The following RABL2A variants were observed in gnomAD, a reference collection of about 807,000 sequenced individuals.
RABL2A encodes rab-like protein 2A.
RABL2A carries 17 observed loss-of-function variants against 30.7 expected under a neutral mutation model. The ratio of observed to expected loss-of-function variants is 0.55; its 90% confidence interval spans 0.38 to 0.83. The LOEUF (loss-of-function observed/expected upper bound fraction) is 0.83, where lower values mean the gene tolerates loss of function less well. Among genes scored for constraint, RABL2A ranks in the 40% least tolerant of loss-of-function variants. The pLI, the probability that RABL2A is intolerant of heterozygous loss-of-function variation, is 0.00. For missense variants in RABL2A, 155 were observed against 272.6 expected (o/e 0.57, Z 3.04); for synonymous variants, 64 against 101.8 (o/e 0.63, Z 2.24).
intron 5 of RABL2A, among the ~76,000 whole-genome samples, chr2:113,639,340 A>G (rs1684211758): frequency 1.3e-5 from 2 of 151,370 alleles, no homozygotes; most frequent in Admixed American, 1.3e-4. Context: ...AAAGTAAATC[A>G]GCCAGGTGCA....
At chr2:113,629,338 G>A (rs900064228) in intron 2 of RABL2A, among the ~76,000 whole-genome samples, 5 of 152,254 alleles carry the variant, frequency 3.3e-5, no homozygotes, top group African/African-American at 1.2e-4. Flanking sequence ...AAGTGGTCAC[G>A]TTTATCTCCC....
Position 113,642,556 on chromosome 2 carries a change from C to G in RABL2A, c.*427C>G, listed in dbSNP as rs1389156431. 7.9e-6 allele frequency: 2 copies of G among 252,840 alleles called. No homozygotes were observed. The highest frequency in any genetic ancestry group is 1.6e-5 in the Non-Finnish European group (2 of 128,876). The allele number at this position is 252,840 out of a possible 1,614,324, so 15.7% of individuals were successfully genotyped here. ...CTGAGGTAATGATTACCCCCCCACCCACAGCTGAGTCTGTGAGGCCCCATC... is the reference window on the plus strand; with the variant it reads ...CTGAGGTAATGATTACCCCCCCACCGACAGCTGAGTCTGTGAGGCCCCATC... On this transcript the variant is annotated 3_prime_UTR_variant, in exon 9 of 9. Transcript: ENST00000683472.
chr2:113,631,422 G>T (rs1680297335), intron 2 of RABL2A, among the ~76,000 whole-genome samples: 2 of 152,178 alleles, frequency 1.3e-5, no homozygotes, highest in South Asian at 4.1e-4. Context: ...AAGCAGAAAG[G>T]TCACACCATG....
At chr2:113,641,697 T>C in intron 7 of RABL2A, 84 bp from the exon 8 acceptor site, 3 of 602,296 alleles carry the variant, frequency 5.0e-6, no homozygotes, top group African/African-American at 2.2e-5. Context: ...GAATGGAGTA[T>C]TGTGTAGTCT....
intron 5 of RABL2A, among the ~76,000 whole-genome samples, chr2:113,636,997 T>A (rs9750212): frequency 0.16 from 15,438 of 95,566 alleles, 949 homozygotes; most frequent in African/African-American, 0.21. Flanking sequence ...TCAAAAAAAA[T>A]AAAAAAATAA....
At position 113,641,210 on chromosome 2, in the gene RABL2A, C is replaced by G. The variant is rs563774101; in HGVS notation, c.410-143C>G. 76 of 1,371,046 alleles carry G rather than the reference C, an allele frequency of 5.5e-5. 1 individual carries two copies. The East Asian group carries it at 1.7e-3, about 31-fold the overall frequency. 84.9% of individuals were successfully genotyped at this position (1,371,046 alleles called of 1,614,324 possible). On this transcript the variant is annotated intron_variant, in intron 6 of 8. Coordinates refer to ENST00000683472, the MANE Select transcript of RABL2A (RefSeq NM_001306158.2). Reference sequence around the variant, plus strand: ...CCTGCCCTCTTTCCAAGACACAGATCCCTATTAACTGAGCTCTTTCTAGGA... The same window carrying G: ...CCTGCCCTCTTTCCAAGACACAGATGCCTATTAACTGAGCTCTTTCTAGGA...
rs1685045606 is a variant in RABL2A at position 113,641,292 on chromosome 2, C to G, written c.410-61C>G. The G allele has an allele frequency of 2.4e-5, 38 of 1,609,024 alleles. 1 individual carries two copies. In the South Asian group the frequency reaches 4.2e-4, roughly 18 times the overall value. On this transcript the variant is annotated intron_variant, in intron 6 of 8. Transcript: ENST00000683472. Reference sequence around the variant, plus strand: ...TTTCTGGAATGAAGGCCTCCAGTGGCCCCCCCTCCAAACCTTCTTCCCTTC... The same window carrying G: ...TTTCTGGAATGAAGGCCTCCAGTGGGCCCCCCTCCAAACCTTCTTCCCTTC...
At position 113,640,949 on chromosome 2, in the gene RABL2A, A is replaced by C. The variant is rs1418497272; in HGVS notation, c.353A>C (p.Glu118Ala). 1.2e-6 allele frequency: 2 copies of C among 1,613,764 alleles called. No homozygotes were observed. The highest frequency in any genetic ancestry group is 1.7e-6 in the Non-Finnish European group (2 of 1,179,828). ...AGGAACCTGAGCACCTGGTATACAG[A>C]GCTTCGGGAGTTCAGGCCAGAGATC... ...TYRNLSTWYT[E>A]LREFRPEIPC... Residue 118 changes from glutamate to alanine, a missense_variant, in exon 6 of 9, where the codon GAG becomes GCG. Transcript: ENST00000683472.
intron 7 of RABL2A, 154 bp from the exon 8 acceptor site, chr2:113,641,627 C>A: frequency 1.3e-6 from 1 of 773,164 alleles, no homozygotes; most frequent in South Asian, 1.8e-5. Context: ...AGTCCATTGA[C>A]CATACATAGG....
At chr2:113,634,083 C>T in intron 3 of RABL2A, 70 bp from the exon 4 acceptor site, 4 of 1,544,922 alleles carry the variant, frequency 2.6e-6, no homozygotes, top group Non-Finnish European at 3.5e-6. Context: ...TTCATCAAAC[C>T]AAACACCCCT....
Position 113,640,937 on chromosome 2 carries a change from C to T in RABL2A, c.341C>T (p.Thr114Ile), listed in dbSNP as rs1278501188. The T allele has an allele frequency of 6.2e-7, 1 of 1,613,838 alleles. No individual in the cohort carries two copies. The highest frequency in any genetic ancestry group is 8.5e-7 in the Non-Finnish European group (1 of 1,179,846). The stretch of plus-strand genomic sequence containing the variant: ...AAAGTCACCTATAGGAACCTGAGCA[C>T]CTGGTATACAGAGCTTCGGGAGTTC... ...QRKVTYRNLSTWYTELREFRP... is the reference protein window; with the variant it reads ...QRKVTYRNLSIWYTELREFRP... The change falls in exon 6 of 9, where the codon ACC (threonine) becomes ATC (isoleucine). Residue 114 changes from threonine to isoleucine, a missense_variant. Thr to Ile is a moderately conservative substitution (Grantham distance 89, BLOSUM62 -1). This residue lies in a region of RABL2A where 82 missense variants were observed against 103.2 expected (regional missense o/e 0.79). Transcript: ENST00000683472.
At chr2:113,628,924 G>T (rs987299278) in intron 2 of RABL2A, among the ~76,000 whole-genome samples, 58 of 152,046 alleles carry the variant, frequency 3.8e-4, no homozygotes, top group African/African-American at 1.2e-3. Context: ...TGAGGAATTT[G>T]AATGTTTCCT....
At chr2:113,630,439 G>A (rs927294802) in intron 2 of RABL2A, among the ~76,000 whole-genome samples, 16 of 152,120 alleles carry the variant, frequency 1.1e-4, no homozygotes, top group Non-Finnish European at 1.8e-4. Flanking sequence ...TTGTGCCACT[G>A]CACTCTAGCC....
intron 4 of RABL2A, 141 bp from the exon 5 acceptor site, chr2:113,634,910 G>A: frequency 1.1e-6 from 1 of 899,218 alleles, no homozygotes. Flanking sequence ...ACACGTGTGG[G>A]GCTGTATAGT....
intron 3 of RABL2A, chr2:113,633,212 G>T (rs1681114280): frequency 1.8e-6 from 1 of 571,198 alleles, no homozygotes. Flanking sequence ...CAAATGGTTT[G>T]GATCTAATGC....
At chr2:113,635,677 C>T (rs530520367) in intron 5 of RABL2A, among the ~76,000 whole-genome samples, 13 of 152,282 alleles carry the variant, frequency 8.5e-5, no homozygotes, top group Admixed American at 6.5e-4. Flanking sequence ...GCCGAGGAAA[C>T]GGCTGAGAAA....
At chr2:113,635,584 T>C (rs1259737731) in intron 5 of RABL2A, 7 of 271,700 alleles carry the variant, frequency 2.6e-5, no homozygotes, top group Admixed American at 4.9e-5. Context: ...GAGCCTCCCA[T>C]TGTGTTGCCC....
Position 113,635,242 on chromosome 2 carries a change from G to C in RABL2A, c.297+112G>C, listed in dbSNP as rs1294531717. 5 of 1,068,200 alleles carry C rather than the reference G, an allele frequency of 4.7e-6. No individual in the cohort carries two copies. In the East Asian group the frequency reaches 1.3e-4, roughly 27 times the overall value. 66.2% of individuals were successfully genotyped at this position (1,068,200 alleles called of 1,614,324 possible). A position where few individuals can be genotyped will look rare whatever the true frequency, so the allele number is the denominator to read the frequency against. ...CAAGTCTGGGTGTTGTGGGAGGGGG[G>C]CTTAGGGTCACCCGGGGATGTTTCA... On this transcript the variant is annotated intron_variant, in intron 5 of 8. Transcript: ENST00000683472.
At chr2:113,636,726 C>T (rs1682880847) in intron 5 of RABL2A, among the ~76,000 whole-genome samples, 3 of 152,204 alleles carry the variant, frequency 2.0e-5, no homozygotes, top group African/African-American at 4.8e-5. Flanking sequence ...CGGTGGCTCA[C>T]GCCTGTAATC....
Sources: allele counts gnomAD v4.1 joint callset (sites outside exome capture counted in the v4.1 genomes callset), GRCh38; gene constraint gnomAD v4.1.1; regional missense constraint gnomAD v4.1.1; transcripts MANE v1.5; gene names NCBI Gene and HGNC (gene_info 2026-07-23, HGNC 2026-07-21).